Variants in DNM2 observed in about 807,000 individuals in gnomAD.
The protein encoded by DNM2 is dynamin-2.
In DNM2, 15 loss-of-function variants were observed where a neutral mutation model predicts 99.0. The observed-to-expected ratio is 0.15, with a 90% CI of 0.10 to 0.23. DNM2 has a LOEUF of 0.23. Among genes scored for constraint, DNM2 ranks in the 10% least tolerant of loss-of-function variants. DNM2 has a pLI of 1.00. For missense variants in DNM2, 742 were observed against 1,189.4 expected (o/e 0.62, Z 5.53); for synonymous variants, 525 against 481.2 (o/e 1.09, Z -1.19).
In DNM2 at chr19:10,812,988, G is replaced by A. The variant is rs1403407117; in HGVS notation, c.1671+611G>A. ...GCCACTGTGACTGCCCCGTGCTCAA[G>A]AGAAGGGGCCATGCCCAAGGGTCAG... On this transcript the variant is annotated intron_variant, in intron 15 of 20. Coordinates refer to ENST00000389253, the MANE Select transcript of DNM2 (RefSeq NM_001005361.3). The surrounding 1 kb of genome is among the most constrained non-coding windows in gnomAD (Gnocchi z 4.0). 6.6e-6 allele frequency among the ~76,000 whole-genome samples: 1 copy of A among 152,220 alleles called. No individual in the cohort carries two copies. Among genetic ancestry groups the A allele is most frequent in the Admixed American group, 6.5e-5 (1 of 15,284 alleles).
At chr19:10,729,183 A>ATAT (rs1568265439) in intron 1 of DNM2, among the ~76,000 whole-genome samples, 1 of 143,584 alleles carries the variant, frequency 7.0e-6, no homozygotes, top group African/African-American at 2.7e-5. Flanking sequence ...AAAAAAAAAA[A>ATAT]AAAAAAATAT....
rs927364714 is a variant in DNM2 at position 10,774,873 on chromosome 19, G to A, written c.386-830G>A. ...CTCACTTCTTCTCCTGGGCTCAGGC[G>A]ATCCTCCCGCCTTAGTCTCCTGAGT... On this transcript the variant is annotated intron_variant, in intron 3 of 20. Coordinates refer to ENST00000389253, the MANE Select transcript of DNM2 (RefSeq NM_001005361.3). Among the ~76,000 whole-genome samples, 90 of 151,278 alleles carry A rather than the reference G, an allele frequency of 5.9e-4. 1 individual carries two copies. The highest frequency in any genetic ancestry group is 2.1e-3 in the African/African-American group (88 of 41,190).
At chr19:10,773,449 ATTTTT>A (rs71164121) in intron 3 of DNM2, among the ~76,000 whole-genome samples, 1 of 124,420 alleles carries the variant, frequency 8.0e-6, no homozygotes, top group Admixed American at 8.0e-5. Flanking sequence ...GCCCGGCCAA[ATTTTT>A]TTTTTTTTTT....
chr19:10,808,706 C>A (rs2072439907), intron 14 of DNM2, 126 bp downstream of exon 14: 2 of 1,227,510 alleles, frequency 1.6e-6, no homozygotes, highest in Non-Finnish European at 2.3e-6. Flanking sequence ...ATCGAGCTAA[C>A]CTGGAAACCC....
At chr19:10,762,007 T>A (rs2070651306) in intron 2 of DNM2, among the ~76,000 whole-genome samples, 1 of 152,202 alleles carries the variant, frequency 6.6e-6, no homozygotes, top group South Asian at 2.1e-4. Flanking sequence ...TGTTTCTCAT[T>A]GAGCAGGATG....
At chr19:10,741,916 TCCTCTTTCCCTC>T (rs1487032424) in intron 1 of DNM2, among the ~76,000 whole-genome samples, 2 of 145,774 alleles carry the variant, frequency 1.4e-5, no homozygotes, top group South Asian at 4.4e-4. Flanking sequence ...CTCTTTACCT[TCCTCTTTCCCTC>T]CCTCCCTTCT....
Position 10,817,799 on chromosome 19 carries a change from A to G in DNM2, c.1672-2181A>G, listed in dbSNP as rs1164804745. Among the ~76,000 whole-genome samples the G allele has an allele frequency of 2.1e-4, 29 of 139,606 alleles. No individual in the cohort carries two copies. The East Asian group carries it at 5.3e-3, about 26-fold the overall frequency. 91.6% of individuals were successfully genotyped at this position (139,606 alleles called of 152,430 possible). A position where few individuals can be genotyped will look rare whatever the true frequency, so the allele number is the denominator to read the frequency against. On this transcript the variant is annotated intron_variant, in intron 15 of 20. Coordinates refer to ENST00000389253, the MANE Select transcript of DNM2 (RefSeq NM_001005361.3). This position sits in a 1 kb window ranked among gnomAD's most constrained non-coding sequence, Gnocchi z 4.6. ...GGGTGGGGAGGAGGGGCGCACACAC[A>G]CGTGTGTGTGTGTGTGTGCGCGCGC...
Position 10,790,027 on chromosome 19 carries a change from G to T in DNM2, c.992+3321G>T, listed in dbSNP as rs150501910. On this transcript the variant is annotated intron_variant, in intron 7 of 20. Transcript: ENST00000389253. ...ACTCTCACCATGGAGAAGCGCCACT[G>T]TTATCTGTGTCTCCTGTCAAGAGCT... 2.2e-3 allele frequency among the ~76,000 whole-genome samples: 340 copies of T among 152,272 alleles called. 2 individuals carry two copies. Among genetic ancestry groups the T allele is most frequent in the African/African-American group, 7.8e-3 (325 of 41,572 alleles).
chr19:10,789,507 A>C (rs1415740022), intron 7 of DNM2, among the ~76,000 whole-genome samples: 1 of 151,934 alleles, frequency 6.6e-6, no homozygotes, highest in Non-Finnish European at 1.5e-5. Context: ...GTGAGCAACA[A>C]AGTGGGATCC....
intron 1 of DNM2, among the ~76,000 whole-genome samples, chr19:10,750,685 C>A (rs777670250): frequency 6.6e-6 from 1 of 151,976 alleles, no homozygotes; most frequent in Non-Finnish European, 1.5e-5. Flanking sequence ...AATCCCAGCA[C>A]TTTGGGCTGC....
intron 2 of DNM2, among the ~76,000 whole-genome samples, chr19:10,770,319 T>C (rs1396053981): frequency 6.6e-6 from 1 of 152,188 alleles, no homozygotes; most frequent in Non-Finnish European, 1.5e-5. Flanking sequence ...TTTTTACTCT[T>C]AAAAACGACA....
Position 10,786,546 on chromosome 19 carries a change from C to G in DNM2, c.850-18C>G. 1 of 1,614,018 alleles carries G rather than the reference C, an allele frequency of 6.2e-7. No homozygotes were observed. Among genetic ancestry groups the G allele is most frequent in the Non-Finnish European group, 8.5e-7 (1 of 1,180,022 alleles). ...CTGCCCATGCCACCCTTTCTGATCT[C>G]TGACCTCTCTCCTGCAGCAACTGAC... is the stretch of plus-strand genomic sequence containing the variant. On this transcript the variant is annotated intron_variant, in intron 6 of 20. Transcript: ENST00000389253.
In DNM2 at chr19:10,816,375, G is replaced by A. The variant is rs73923288; in HGVS notation, c.1672-3605G>A. ...GGGCGCTGTTTCTAAACCCAGGGTG[G>A]TGGAGTCTGCTGAGCCACCATACAA... On this transcript the variant is annotated intron_variant, in intron 15 of 20. Coordinates refer to ENST00000389253, the MANE Select transcript of DNM2 (RefSeq NM_001005361.3). This position sits in a 1 kb window ranked among gnomAD's most constrained non-coding sequence, Gnocchi z 4.6. Among the ~76,000 whole-genome samples, 1,222 of 152,212 alleles carry A rather than the reference G, an allele frequency of 8.0e-3. 26 individuals carry two copies. The highest frequency in any genetic ancestry group is 0.028 in the African/African-American group (1,157 of 41,522).
intron 1 of DNM2, among the ~76,000 whole-genome samples, chr19:10,729,183 A>T (rs906514174): frequency 4.2e-5 from 6 of 143,582 alleles, no homozygotes; most frequent in African/African-American, 1.6e-4. Context: ...AAAAAAAAAA[A>T]AAAAAAATAT....
rs1290627935 is a variant in DNM2 at position 10,818,730 on chromosome 19, G to A, written c.1672-1250G>A. Among the ~76,000 whole-genome samples, 1 of 152,216 alleles carries A rather than the reference G, an allele frequency of 6.6e-6. No individual in the cohort carries two copies. On this transcript the variant is annotated intron_variant, in intron 15 of 20. Coordinates refer to ENST00000389253, the MANE Select transcript of DNM2 (RefSeq NM_001005361.3). The surrounding 1 kb of genome is among the most constrained non-coding windows in gnomAD (Gnocchi z 4.3). ...CTTTGTGCTGGGGCAGCGCAGTGAGGGGACATGAGAGGAGTTTCCAGAGAC... is the reference window on the plus strand; with the variant it reads ...CTTTGTGCTGGGGCAGCGCAGTGAGAGGACATGAGAGGAGTTTCCAGAGAC...
chr19:10,815,498 G>T (rs1234307242), intron 15 of DNM2, among the ~76,000 whole-genome samples: 1 of 152,154 alleles, frequency 6.6e-6, no homozygotes, highest in Non-Finnish European at 1.5e-5. Context: ...TGGTACTTGA[G>T]CCCAGGACTG....
chr19:10,797,499 T>C lies in DNM2; in HGVS notation c.1316T>C (p.Ile439Thr). The change falls in exon 10 of 21, where the codon ATA (isoleucine) becomes ACA (threonine). Residue 439 changes from isoleucine (I) to threonine (T), a missense_variant. By Grantham distance (89) the Ile-to-Thr change is moderately conservative (BLOSUM62 -1). Coordinates refer to ENST00000389253, the MANE Select transcript of DNM2 (RefSeq NM_001005361.3). ...DLVVSELATV[I>T]KKCAEKLSSY... ...GTGGTCTCAGAGCTGGCCACGGTCA[T>C]AAAAAAGTGTGCCGAGAAGGTAACA... The C allele has an allele frequency of 6.2e-7, 1 of 1,612,244 alleles. No homozygotes were observed. Among genetic ancestry groups the C allele is most frequent in the Non-Finnish European group, 8.5e-7 (1 of 1,179,404 alleles).
In DNM2 at chr19:10,811,228, TCA is replaced by T. The variant is rs979238452; in HGVS notation, c.1558-1033_1558-1032del. On this transcript the variant is annotated intron_variant, in intron 14 of 20. Transcript: ENST00000389253. The surrounding 1 kb of genome is among the most constrained non-coding windows in gnomAD (Gnocchi z 5.4). ...TTCATGGCCACCTGGGGCTTAGCAC[TCA>T]CATCCAGCCACCAAGGAGCCGCTGG... is the stretch of plus-strand genomic sequence containing the variant. 7 of 183,178 alleles carry T rather than the reference TCA, an allele frequency of 3.8e-5. No homozygotes were observed. The highest frequency in any genetic ancestry group is 1.6e-4 in the East Asian group (1 of 6,286). The allele number at this position is 183,178 out of a possible 1,614,324, so 11.3% of individuals were successfully genotyped here. A position where few individuals can be genotyped will look rare whatever the true frequency, so the allele number is the denominator to read the frequency against.
chr19:10,816,827 TCTC>T lies in DNM2; in HGVS notation c.1672-3149_1672-3147del, dbSNP rs1248803640. Among the ~76,000 whole-genome samples, 1 of 152,186 alleles carries T rather than the reference TCTC, an allele frequency of 6.6e-6. No homozygotes were observed. The highest frequency in any genetic ancestry group is 1.5e-5 in the Non-Finnish European group (1 of 68,028). ...CAGCATTGCAAGTCTAGTTTTCAGATCTCCTCTTCCTTCACGTGAGGGGCCCTT... is the reference window on the plus strand; with the variant it reads ...CAGCATTGCAAGTCTAGTTTTCAGATCTCTTCCTTCACGTGAGGGGCCCTT... On this transcript the variant is annotated intron_variant, in intron 15 of 20. Transcript: ENST00000389253. The surrounding 1 kb of genome is among the most constrained non-coding windows in gnomAD (Gnocchi z 4.6).
Sources: gnomAD v4.1 joint callset for allele counts (sites outside exome capture counted in the v4.1 genomes callset) on GRCh38, gnomAD v4.1.1 for gene constraint, Gnocchi (gnomAD v3.1) non-coding constraint, MANE v1.5 for transcripts, NCBI Gene and HGNC (gene_info 2026-07-23, HGNC 2026-07-21) for gene names.